The following CDK14 variants were observed in gnomAD, a reference collection of about 807,000 sequenced individuals.
The protein encoded by CDK14 is cyclin-dependent kinase 14.
A neutral mutation model predicts 60.7 loss-of-function variants in CDK14; 34 were observed. That is an observed-to-expected ratio of 0.56 (90% CI 0.43 to 0.75). The LOEUF (loss-of-function observed/expected upper bound fraction) is 0.75. Among genes scored for constraint, CDK14 ranks in the 30% least tolerant of loss-of-function variants. The pLI is 0.00. For missense variants in CDK14, 482 were observed against 564.1 expected, an observed-to-expected ratio of 0.85 and a Z score of 1.47; for synonymous variants, 197 against 203.7, an observed-to-expected ratio of 0.97 and a Z score of 0.28.
intron 4 of CDK14, among the ~76,000 whole-genome samples, chr7:90,780,970 A>G (rs999382264): frequency 6.6e-6 from 1 of 152,008 alleles, no homozygotes; most frequent in Admixed American, 6.5e-5. Flanking sequence ...TCCCTGAGGA[A>G]TCGCCACACT....
At chr7:90,798,092 A>T (rs1436167217) in intron 5 of CDK14, among the ~76,000 whole-genome samples, 1 of 152,024 alleles carries the variant, frequency 6.6e-6, no homozygotes, top group Non-Finnish European at 1.5e-5. Flanking sequence ...AGGGAATGAT[A>T]GAAAAATAGT....
At chr7:90,611,831 G>GTTTTT (rs752667605) in intron 2 of CDK14, among the ~76,000 whole-genome samples, 4 of 128,270 alleles carry the variant, frequency 3.1e-5, no homozygotes, top group East Asian at 2.2e-4. Flanking sequence ...ATCTTTGTGT[G>GTTTTT]TTTTTTTTTT....
intron 9 of CDK14, among the ~76,000 whole-genome samples, chr7:90,973,578 C>T (rs572218954): frequency 9.9e-5 from 15 of 152,218 alleles, no homozygotes; most frequent in Non-Finnish European, 1.3e-4. Flanking sequence ...AATATTTCAA[C>T]GTAGGTTCTT....
At chr7:91,192,710 G>C (rs977033190) in intron 14 of CDK14, among the ~76,000 whole-genome samples, 19 of 152,034 alleles carry the variant, frequency 1.2e-4, no homozygotes, top group African/African-American at 4.6e-4. Flanking sequence ...AGTAAGAATG[G>C]GTACTATAGA....
chr7:91,179,703 C>G (rs932711696), intron 14 of CDK14, among the ~76,000 whole-genome samples: 4 of 151,144 alleles, frequency 2.6e-5, no homozygotes, highest in Admixed American at 6.6e-5. Context: ...CTTGGGAGGC[C>G]AAGGCAGGAG....
chr7:91,086,249 T>C (rs1445227906), intron 12 of CDK14, among the ~76,000 whole-genome samples: 1 of 152,186 alleles, frequency 6.6e-6, no homozygotes, highest in Non-Finnish European at 1.5e-5. Context: ...GAGTACCCAA[T>C]AAGCATAATA....
At chr7:90,895,043 A>G (rs1792251373) in intron 6 of CDK14, among the ~76,000 whole-genome samples, 1 of 152,076 alleles carries the variant, frequency 6.6e-6, no homozygotes, top group African/African-American at 2.4e-5. Flanking sequence ...AATGTGTTTT[A>G]AAGAAGAAGT....
intron 3 of CDK14, among the ~76,000 whole-genome samples, chr7:90,736,519 G>GT (rs1174614317): frequency 6.6e-6 from 1 of 151,906 alleles, no homozygotes; most frequent in Non-Finnish European, 1.5e-5. Context: ...GAAAACAAGG[G>GT]AGCCTTATAG....
At chr7:90,776,070 C>T (rs1045322496) in intron 4 of CDK14, among the ~76,000 whole-genome samples, 5 of 152,094 alleles carry the variant, frequency 3.3e-5, no homozygotes, top group African/African-American at 1.2e-4. Context: ...TCTCATCAAA[C>T]ACGGCCCTTC....
chr7:90,773,023 G>T (rs182267956), intron 4 of CDK14, among the ~76,000 whole-genome samples: 61 of 152,256 alleles, frequency 4.0e-4, no homozygotes, highest in Admixed American at 5.9e-4. Flanking sequence ...ATCAATCAGT[G>T]TTATAATTAG....
chr7:90,868,177 A>G (rs565246091), intron 6 of CDK14, among the ~76,000 whole-genome samples: 1 of 151,982 alleles, frequency 6.6e-6, no homozygotes, highest in African/African-American at 2.4e-5. Flanking sequence ...CCATAATACC[A>G]TCACCACAAT....
intron 2 of CDK14, chr7:90,709,317 A>T: frequency 1.1e-6 from 1 of 909,880 alleles, no homozygotes; most frequent in Non-Finnish European, 1.5e-6. Context: ...ATCCCAGATT[A>T]TTATTTAATG....
chr7:90,949,166 A>ATG (rs775196294), intron 8 of CDK14, among the ~76,000 whole-genome samples: 100 of 151,926 alleles, frequency 6.6e-4, no homozygotes, highest in African/African-American at 2.2e-3. Flanking sequence ...AATTATATAT[A>ATG]TGTGTGTGTG....
chr7:90,818,063 A>G (rs1288896304), intron 5 of CDK14, among the ~76,000 whole-genome samples: 1 of 152,180 alleles, frequency 6.6e-6, no homozygotes, highest in Non-Finnish European at 1.5e-5. Flanking sequence ...TATAGAAGTT[A>G]AGACTTAACC....
chr7:90,804,190 G>C (rs558667224), intron 5 of CDK14, among the ~76,000 whole-genome samples: 11 of 152,270 alleles, frequency 7.2e-5, no homozygotes, highest in African/African-American at 2.6e-4. Context: ...GATGGAGACT[G>C]TGCCCCTAGC....
At chr7:90,774,286 T>G (rs1299939139) in intron 4 of CDK14, among the ~76,000 whole-genome samples, 1 of 152,226 alleles carries the variant, frequency 6.6e-6, no homozygotes, top group Non-Finnish European at 1.5e-5. Context: ...CAGTTATATA[T>G]GAAGTAATAT....
intron 14 of CDK14, among the ~76,000 whole-genome samples, chr7:91,178,990 A>G (rs951390048): frequency 2.0e-5 from 3 of 152,228 alleles, no homozygotes; most frequent in African/African-American, 4.8e-5. Flanking sequence ...TCATGCTGCT[A>G]TAAAGACACA....
chr7:90,630,402 C>A (rs755280005), intron 2 of CDK14, among the ~76,000 whole-genome samples: 16 of 152,114 alleles, frequency 1.1e-4, no homozygotes, highest in Non-Finnish European at 1.8e-4. Context: ...TGTATCTAAA[C>A]ATAGGAAAGG....
intron 3 of CDK14, among the ~76,000 whole-genome samples, chr7:90,735,230 G>A (rs1479948048): frequency 3.3e-5 from 5 of 152,130 alleles, no homozygotes; most frequent in Non-Finnish European, 7.3e-5. Flanking sequence ...GAATTATCCT[G>A]TATGAGTTTC....
Sources: gnomAD v4.1 joint callset for allele counts (sites outside exome capture counted in the v4.1 genomes callset) on GRCh38, gnomAD v4.1.1 for gene constraint, MANE v1.5 for transcripts, NCBI Gene and HGNC (gene_info 2026-07-23, HGNC 2026-07-21) for gene names.